Variants in PCNP observed in about 807,000 individuals in gnomAD.
The protein encoded by PCNP is PEST proteolytic signal containing nuclear protein.
Under a neutral mutation model 21.8 loss-of-function variants are expected in PCNP, and 6 were observed. The observed-to-expected ratio is 0.28, with a 90% CI of 0.15 to 0.54. The LOEUF (loss-of-function observed/expected upper bound fraction) is 0.54, where lower values mean the gene tolerates loss of function less well. Among genes scored for constraint, PCNP ranks in the 20% least tolerant of loss-of-function variants. PCNP has a pLI of 0.95. For synonymous variants in PCNP, 67 were observed against 73.2 expected (o/e 0.92, Z 0.43); for missense variants, 161 against 215.5 (o/e 0.75, Z 1.58).
intron 1 of PCNP, among the ~76,000 whole-genome samples, chr3:101,574,688 C>A (rs1018941221): frequency 2.6e-5 from 4 of 152,172 alleles, no homozygotes; most frequent in Non-Finnish European, 4.4e-5. Context: ...TGCGAGCCAC[C>A]GAGTAGTTGC....
intron 1 of PCNP, among the ~76,000 whole-genome samples, chr3:101,578,806 C>A (rs1485588167): frequency 6.6e-6 from 1 of 152,168 alleles, no homozygotes; most frequent in East Asian, 1.9e-4. Context: ...CTTGGAGCAT[C>A]TTCTTTTTCT....
rs141340302 is a variant in PCNP at position 101,576,951 on chromosome 3, G to A, written c.64+2672G>A. ...TTTCAGGGATCACTAGCGACATGGC[G>A]GCAGCACAAGCGGCGGCGTGTAGGC... On this transcript the variant is annotated intron_variant, in intron 1 of 4. Transcript: ENST00000265260. 1.6e-4 allele frequency: 230 copies of A among 1,402,424 alleles called. No homozygotes were observed. In the African/African-American group the frequency reaches 2.8e-3, roughly 17 times the overall value. 86.9% of individuals were successfully genotyped at this position (1,402,424 alleles called of 1,614,324 possible).
chr3:101,585,524 C>A lies in PCNP; in HGVS notation c.354+13C>A. Reference sequence around the variant, plus strand: ...TGAAGATGAAGATGTAAGTTGATATCGAGTTTTGTTTTTTTACTTTAACCA... The same window carrying A: ...TGAAGATGAAGATGTAAGTTGATATAGAGTTTTGTTTTTTTACTTTAACCA... On this transcript the variant is annotated intron_variant, in intron 3 of 4. Coordinates refer to ENST00000265260, the MANE Select transcript of PCNP (RefSeq NM_020357.3). 6.3e-7 allele frequency: 1 copy of A among 1,578,718 alleles called. No individual in the cohort carries two copies. Among genetic ancestry groups the A allele is most frequent in the Non-Finnish European group, 8.7e-7 (1 of 1,153,796 alleles).
intron 3 of PCNP, 178 bp from the exon 4 acceptor site, chr3:101,590,037 G>C: frequency 1.7e-6 from 1 of 582,212 alleles, no homozygotes; most frequent in South Asian, 2.1e-5. Context: ...CACCGTAGAA[G>C]ACAGGCATTT....
intron 4 of PCNP, among the ~76,000 whole-genome samples, chr3:101,591,107 A>G (rs1228495830): frequency 2.0e-5 from 3 of 152,156 alleles, no homozygotes; most frequent in Non-Finnish European, 4.4e-5. Flanking sequence ...CTACCACTTT[A>G]TCTTATATTT....
intron 2 of PCNP, among the ~76,000 whole-genome samples, chr3:101,583,842 T>TTA (rs59654749): frequency 1.7e-5 from 2 of 119,952 alleles, no homozygotes; most frequent in African/African-American, 3.0e-5. Context: ...TTTTTTTTTT[T>TTA]AGTAGAGAGA....
At position 101,592,421 on chromosome 3, in the gene PCNP, GCCTCGA is replaced by G. The variant is rs377389750; in HGVS notation, c.411-201_411-196del. 5.8e-3 allele frequency among the ~76,000 whole-genome samples: 887 copies of G among 152,122 alleles called. 5 individuals are homozygous for G. The highest frequency in any genetic ancestry group is 0.02 in the African/African-American group (838 of 41,522). ...ATTGCTGACCTCAGGTGATCCACCT[GCCTCGA>G]CCTCCCAAAGTGCTGGGATTACAGG... is the stretch of plus-strand genomic sequence containing the variant. On this transcript the variant is annotated intron_variant, in intron 4 of 4. Transcript: ENST00000265260.
intron 1 of PCNP, chr3:101,576,639 C>A: frequency 6.2e-7 from 1 of 1,611,704 alleles, no homozygotes; most frequent in South Asian, 1.1e-5. Flanking sequence ...GCTTGTTGTC[C>A]AGACCATTGG....
intron 1 of PCNP, among the ~76,000 whole-genome samples, chr3:101,578,446 A>G (rs1276733717): frequency 6.6e-6 from 1 of 152,144 alleles, no homozygotes; most frequent in African/African-American, 2.4e-5. Flanking sequence ...TTGTGATTTT[A>G]TATATAAGTA....
chr3:101,577,568 A>G (rs755610386), intron 1 of PCNP, among the ~76,000 whole-genome samples: 1 of 152,200 alleles, frequency 6.6e-6, no homozygotes, highest in Non-Finnish European at 1.5e-5. Context: ...TCTGTCGCCC[A>G]AGCTGGAATG....
intron 1 of PCNP, 55 bp downstream of exon 1, chr3:101,574,334 A>C: frequency 1.7e-6 from 2 of 1,168,734 alleles, no homozygotes; most frequent in Non-Finnish European, 2.3e-6. Flanking sequence ...CCTTTCTTTG[A>C]GCTCCCAGGG....
chr3:101,591,161 T>C (rs1935783571), intron 4 of PCNP, among the ~76,000 whole-genome samples: 1 of 152,220 alleles, frequency 6.6e-6, no homozygotes, highest in South Asian at 2.1e-4. Flanking sequence ...CAAAATAAGA[T>C]AAATGAAAGT....
chr3:101,574,346 G>A (rs775781585), intron 1 of PCNP, 67 bp downstream of exon 1: 34 of 1,469,500 alleles, frequency 2.3e-5, no homozygotes, highest in Non-Finnish European at 2.8e-5. Flanking sequence ...CTCCCAGGGT[G>A]GGGGGAGTGG....
Position 101,590,079 on chromosome 3 carries a change from A to G in PCNP, c.355-136A>G, listed in dbSNP as rs79517387. On this transcript the variant is annotated intron_variant, in intron 3 of 4. Coordinates refer to ENST00000265260, the MANE Select transcript of PCNP (RefSeq NM_020357.3). Reference sequence around the variant, plus strand: ...TAAATGTAGTTAAGGTAAATAACTCACTAATTTTCTCCTTTTACCAAAATT... The same window carrying G: ...TAAATGTAGTTAAGGTAAATAACTCGCTAATTTTCTCCTTTTACCAAAATT... 2,394 of 646,016 alleles carry G rather than the reference A, an allele frequency of 3.7e-3. 34 individuals carry two copies. The African/African-American group carries it at 0.039, about 10-fold the overall frequency. The allele number at this position is 646,016 out of a possible 1,614,324, so 40.0% of individuals were successfully genotyped here.
In PCNP at chr3:101,579,911, A is replaced by G. The variant is rs1424840154; in HGVS notation, c.186A>G (p.Pro62=). ...CTGAAGAAGAAGCTGCCGACCTCCC[A>G]ACAAAGCCTACAAAGATCTCCAAGT... ...RSAEEEAADL[P]TKPTKISKFG... Residue 62 remains proline (P), a synonymous_variant, in exon 2 of 5, where the codon CCA becomes CCG. Coordinates refer to ENST00000265260, the MANE Select transcript of PCNP (RefSeq NM_020357.3). 6.2e-7 allele frequency: 1 copy of G among 1,614,146 alleles called. No individual in the cohort carries two copies. Among genetic ancestry groups the G allele is most frequent in the Admixed American group, 1.7e-5 (1 of 60,024 alleles).
rs1467392844 is a variant in PCNP, at chr3:101,593,908, A to G, written c.*1155A>G. 6.6e-6 allele frequency: 1 copy of G among 152,616 alleles called. No homozygotes were observed. 9.5% of individuals were successfully genotyped at this position (152,616 alleles called of 1,614,324 possible). On this transcript the variant is annotated 3_prime_UTR_variant, in exon 5 of 5. Coordinates refer to ENST00000265260, the MANE Select transcript of PCNP (RefSeq NM_020357.3). ...CACATATACTTTGTTAGATTTGTGT[A>G]TTGTAGGGTGTTTGTTTTGTATTTT...
At chr3:101,586,170 CAA>C (rs10529220) in intron 3 of PCNP, among the ~76,000 whole-genome samples, 1,373 of 97,376 alleles carry the variant, frequency 0.014, 16 homozygotes, top group African/African-American at 0.055. Flanking sequence ...GTCTCTGTCT[CAA>C]AAAAAAAAAA....
At chr3:101,590,682 C>A (rs1439742159) in intron 4 of PCNP, among the ~76,000 whole-genome samples, 2 of 151,880 alleles carry the variant, frequency 1.3e-5, no homozygotes, top group Non-Finnish European at 2.9e-5. Context: ...GAAGCTGGGA[C>A]CACAGGCATA....
chr3:101,588,664 C>T (rs139554690), intron 3 of PCNP, among the ~76,000 whole-genome samples: 7 of 151,828 alleles, frequency 4.6e-5, no homozygotes, highest in Non-Finnish European at 1.0e-4. Flanking sequence ...GGACAAATTC[C>T]TTAGTCTTTG....
Sources: gnomAD v4.1 joint callset for allele counts (sites outside exome capture counted in the v4.1 genomes callset) on GRCh38, gnomAD v4.1.1 for gene constraint, MANE v1.5 for transcripts, NCBI Gene and HGNC (gene_info 2026-07-23, HGNC 2026-07-21) for gene names.